Variants in GIN1 observed in about 807,000 individuals in gnomAD.
The protein encoded by GIN1 is gypsy retrotransposon integrase-like protein 1.
In GIN1, 41 loss-of-function variants were observed where a neutral mutation model predicts 51.4. The ratio of observed to expected loss-of-function variants is 0.80; its 90% CI spans 0.62 to 1.04. The LOEUF is 1.04. GIN1 is among the 50% of genes least tolerant of loss of function. The probability of loss-of-function intolerance (pLI) is 0.00; values close to 1 mark genes in which losing one functional copy is unlikely to be tolerated. For missense variants in GIN1, 610 were observed against 612.4 expected (o/e 1.00, Z 0.04); for synonymous variants, 222 against 206.5 (o/e 1.07, Z -0.64).
Position 103,106,747 on chromosome 5 carries a change from C to T in GIN1, c.302G>A (p.Trp101Ter). 2 of 1,597,982 alleles carry T rather than the reference C, an allele frequency of 1.3e-6. No individual in the cohort carries two copies. The highest frequency in any genetic ancestry group is 1.7e-6 in the Non-Finnish European group (2 of 1,172,292). ...TTTGACATCATTGGTCACAGATGTC[C>T]AATAATAATTGGATTCTACCAGAGT... ...TLTLVESNYY[W>*]TSVTNDVKQW... is the part of the protein sequence containing the mutation. The change falls in exon 3 of 8, where the codon TGG becomes TAG. Residue 101 changes from tryptophan (W) to a stop codon, truncating the protein, a stop_gained. Coordinates refer to ENST00000399004, the MANE Select transcript of GIN1 (RefSeq NM_017676.2). LOFTEE classifies it high-confidence loss of function.
intron 1 of GIN1, among the ~76,000 whole-genome samples, chr5:103,113,223 G>A (rs1196134742): frequency 1.3e-5 from 2 of 152,112 alleles, no homozygotes; most frequent in African/African-American, 4.8e-5. Context: ...TACATCTTTT[G>A]CCATTCCTGA....
chr5:103,100,374 T>C (rs536516222), intron 4 of GIN1, among the ~76,000 whole-genome samples: 11 of 151,818 alleles, frequency 7.2e-5, no homozygotes, highest in African/African-American at 2.4e-4. Context: ...CATGAGCCAC[T>C]GAGCACAGCC....
chr5:103,115,918 A>G (rs868986229), intron 1 of GIN1, among the ~76,000 whole-genome samples: 32 of 152,166 alleles, frequency 2.1e-4, no homozygotes, highest in South Asian at 2.1e-4. Flanking sequence ...TAAAGATATT[A>G]TAGTGAATAT....
chr5:103,103,347 C>T (rs1427036615), intron 4 of GIN1, among the ~76,000 whole-genome samples: 7 of 152,214 alleles, frequency 4.6e-5, no homozygotes, highest in Non-Finnish European at 8.8e-5. Flanking sequence ...TGTGTCTTTT[C>T]TCTTTGCTGA....
chr5:103,086,700 T>C lies in GIN1; in HGVS notation c.*1198A>G, dbSNP rs1357485626. ...TTTTTGCCTCCCTAAGTACATTATC[T>C]ACACCTGTCTTCTGCAATTTAGCAT... is the stretch of plus-strand genomic sequence containing the variant. On this transcript the variant is annotated 3_prime_UTR_variant, in exon 8 of 8. Transcript: ENST00000399004. 3.3e-5 allele frequency: 5 copies of C among 152,212 alleles called. No homozygotes were observed. Among genetic ancestry groups the C allele is most frequent in the Non-Finnish European group, 5.9e-5 (4 of 68,040 alleles). 9.4% of individuals were successfully genotyped at this position (152,212 alleles called of 1,614,324 possible).
rs78616253 is a variant in GIN1, at chr5:103,101,312, C to T, written c.639+3229G>A. On this transcript the variant is annotated intron_variant, in intron 4 of 7. Transcript: ENST00000399004. ...AGAGATGATTCACGTCCCAGTTGGA[C>T]AGAGCAGGACAGCATGAGATTTTAT... Among the ~76,000 whole-genome samples, 624 of 152,286 alleles carry T rather than the reference C, an allele frequency of 4.1e-3. 6 individuals carry two copies. Among genetic ancestry groups the T allele is most frequent in the African/African-American group, 0.014 (574 of 41,560 alleles).
intron 1 of GIN1, among the ~76,000 whole-genome samples, chr5:103,110,435 T>C (rs1314897586): frequency 6.6e-6 from 1 of 152,092 alleles, no homozygotes; most frequent in Non-Finnish European, 1.5e-5. Context: ...GGGGGAAATT[T>C]CTACACAGCA....
At chr5:103,117,916 G>A (rs1366059531) in intron 1 of GIN1, among the ~76,000 whole-genome samples, 1 of 152,092 alleles carries the variant, frequency 6.6e-6, no homozygotes, top group Non-Finnish European at 1.5e-5. Flanking sequence ...TGCTATACCA[G>A]TAAGTCAATT....
intron 3 of GIN1, 29 bp from the exon 4 acceptor site, chr5:103,104,875 C>T: frequency 1.5e-6 from 2 of 1,365,984 alleles, no homozygotes; most frequent in South Asian, 2.6e-5. Flanking sequence ...AAAGAAAACA[C>T]ATACAAATGT....
intron 7 of GIN1, among the ~76,000 whole-genome samples, chr5:103,095,700 T>G (rs1389309605): frequency 6.6e-6 from 1 of 152,092 alleles, no homozygotes; most frequent in East Asian, 1.9e-4. Context: ...GGCAGGCAAA[T>G]CCCTAGAGGC....
At chr5:103,101,762 C>T (rs1787581271) in intron 4 of GIN1, among the ~76,000 whole-genome samples, 1 of 152,196 alleles carries the variant, frequency 6.6e-6, no homozygotes, top group South Asian at 2.1e-4. Context: ...GCATGTGTGA[C>T]ATACATGTCT....
At chr5:103,096,301 T>C (rs542610951) in intron 7 of GIN1, among the ~76,000 whole-genome samples, 3 of 151,974 alleles carry the variant, frequency 2.0e-5, no homozygotes, top group Admixed American at 1.3e-4. Context: ...GATCGCGCCA[T>C]TGCACTCCAG....
intron 7 of GIN1, among the ~76,000 whole-genome samples, chr5:103,090,118 A>G (rs1554194369): frequency 6.6e-6 from 1 of 152,210 alleles, no homozygotes; most frequent in Non-Finnish European, 1.5e-5. Context: ...GTGAAACCCC[A>G]TCTCTACTAA....
chr5:103,099,387 A>G (rs1190036409), intron 4 of GIN1, among the ~76,000 whole-genome samples: 2 of 151,888 alleles, frequency 1.3e-5, no homozygotes, highest in African/African-American at 4.8e-5. Flanking sequence ...TACAATATAT[A>G]TTAATATATT....
chr5:103,108,942 T>C (rs1288031474), intron 1 of GIN1, among the ~76,000 whole-genome samples: 2 of 152,006 alleles, frequency 1.3e-5, no homozygotes, highest in Admixed American at 6.6e-5. Context: ...TCTCTTTCCA[T>C]TTGATAAGAA....
intron 7 of GIN1, among the ~76,000 whole-genome samples, chr5:103,089,457 TTCATTCAC>T (rs1391096709): frequency 1.3e-5 from 2 of 152,128 alleles, no homozygotes; most frequent in East Asian, 1.9e-4. Flanking sequence ...CATTCATTCA[TTCATTCAC>T]TCATTCATTC....
chr5:103,119,880 A>G (rs1788347502), intron 1 of GIN1, among the ~76,000 whole-genome samples, 184 bp downstream of exon 1: 1 of 152,204 alleles, frequency 6.6e-6, no homozygotes, highest in Non-Finnish European at 1.5e-5. Flanking sequence ...CTGCTCAGCT[A>G]GCGCGGGACA....
At chr5:103,106,044 T>G (rs34826) in intron 3 of GIN1, among the ~76,000 whole-genome samples, 1 of 151,912 alleles carries the variant, frequency 6.6e-6, no homozygotes, top group Non-Finnish European at 1.5e-5. Flanking sequence ...CTTTTTGATG[T>G]ACTACTACAA....
intron 3 of GIN1, among the ~76,000 whole-genome samples, chr5:103,106,351 T>G (rs1257363489): frequency 6.6e-6 from 1 of 152,134 alleles, no homozygotes; most frequent in Non-Finnish European, 1.5e-5. Context: ...TGACTTACTA[T>G]GAACATATTC....
Sources: gnomAD v4.1 joint callset for allele counts (sites outside exome capture counted in the v4.1 genomes callset) on GRCh38, gnomAD v4.1.1 for gene constraint, MANE v1.5 for transcripts, NCBI Gene and HGNC (gene_info 2026-07-23, HGNC 2026-07-21) for gene names.